RFX7: variants seen among roughly 807,000 people sequenced by gnomAD.
The protein encoded by RFX7 is regulatory factor X7, also known as DNA-binding protein RFX7.
RFX7 carries 26 observed loss-of-function variants against 111.8 expected under a neutral mutation model. The ratio of observed to expected loss-of-function variants is 0.23; its 90% CI spans 0.17 to 0.32. The LOEUF is 0.32. Ranked by LOEUF, RFX7 falls within the 10% of genes least tolerant of loss-of-function variation. The probability of loss-of-function intolerance (pLI) is 1.00; values close to 1 mark genes in which losing one functional copy is unlikely to be tolerated. For synonymous variants in RFX7, 624 were observed against 624.4 expected, an observed-to-expected ratio of 1.00 and a Z score of 0.01; for missense variants, 1,573 against 1,772.9, an observed-to-expected ratio of 0.89 and a Z score of 2.02.
intron 3 of RFX7, among the ~76,000 whole-genome samples, chr15:56,151,144 T>C (rs1355221369): frequency 1.3e-5 from 2 of 152,152 alleles, no homozygotes; most frequent in Non-Finnish European, 2.9e-5. Flanking sequence ...CTCTTCAGGA[T>C]ATTATCCAGA....
chr15:56,201,666 G>A (rs1156558051), intron 2 of RFX7, among the ~76,000 whole-genome samples: 1 of 152,108 alleles, frequency 6.6e-6, no homozygotes, highest in East Asian at 1.9e-4. Flanking sequence ...GGAATGTCTG[G>A]TAGTAGTCTC....
intron 3 of RFX7, among the ~76,000 whole-genome samples, chr15:56,152,879 T>C (rs180862491): frequency 6.6e-6 from 1 of 151,454 alleles, no homozygotes; most frequent in African/African-American, 2.4e-5. Flanking sequence ...ATAGGGGATA[T>C]CACCACTGAC....
At chr15:56,112,379 C>CAAAAAAAAAAAAAAAAAAAAAAAAAA (rs71110374) in intron 5 of RFX7, among the ~76,000 whole-genome samples, 7 of 71,766 alleles carry the variant, frequency 9.8e-5, no homozygotes, top group Non-Finnish European at 1.0e-4. Flanking sequence ...GAGTACAAAT[C>CAAAAAAAAAAAAAAAAAAAAAAAAAA]AAAAAAAAAA....
chr15:56,153,269 T>C (rs1264771638), intron 3 of RFX7, among the ~76,000 whole-genome samples: 6 of 152,136 alleles, frequency 3.9e-5, no homozygotes, highest in African/African-American at 1.4e-4. Flanking sequence ...AAAGAAAATT[T>C]CAGGCCAATA....
chr15:56,149,842 G>A (rs1338219937), intron 3 of RFX7, among the ~76,000 whole-genome samples: 2 of 151,954 alleles, frequency 1.3e-5, no homozygotes, highest in Non-Finnish European at 2.9e-5. Flanking sequence ...GTGGCATGTG[G>A]AATGCCACTA....
At chr15:56,100,845 AT>A (rs1231360811) in intron 8 of RFX7, among the ~76,000 whole-genome samples, 1 of 152,192 alleles carries the variant, frequency 6.6e-6, no homozygotes, top group African/African-American at 2.4e-5. Context: ...ACAGTAAAAA[AT>A]ATCACTCTTG....
rs115476722 is a variant in RFX7, at chr15:56,173,204, C to G, written c.195+6066G>C. Among the ~76,000 whole-genome samples the G allele has an allele frequency of 3.3e-3, 500 of 151,940 alleles. 2 individuals carry two copies. Among genetic ancestry groups the G allele is most frequent in the African/African-American group, 0.012 (484 of 41,506 alleles). On this transcript the variant is annotated intron_variant, in intron 3 of 9. Coordinates refer to ENST00000559447, the MANE Select transcript of RFX7 (RefSeq NM_022841.7). The stretch of plus-strand genomic sequence containing the variant: ...TAGATTTGGAATTTGGAATCTATAG[C>G]TGAAAACTAAACTGTATATATGTAG...
chr15:56,235,149 T>G (rs1312304303), intron 2 of RFX7, among the ~76,000 whole-genome samples: 1 of 151,486 alleles, frequency 6.6e-6, no homozygotes, highest in Admixed American at 6.6e-5. Flanking sequence ...AGCAGCCAGT[T>G]CATACAGTAA....
At chr15:56,223,773 C>T (rs372626950) in intron 2 of RFX7, among the ~76,000 whole-genome samples, 2 of 152,064 alleles carry the variant, frequency 1.3e-5, no homozygotes, top group Non-Finnish European at 2.9e-5. Flanking sequence ...TAAATGCTAC[C>T]TCAGTTTACT....
intron 9 of RFX7, 149 bp downstream of exon 9, chr15:56,097,932 T>A (rs2041703360): frequency 1.5e-6 from 1 of 648,908 alleles, no homozygotes; most frequent in South Asian, 2.0e-5. Context: ...ACATCCTGAA[T>A]AAAAGACTGA....
intron 2 of RFX7, among the ~76,000 whole-genome samples, chr15:56,198,805 G>A (rs1238753314): frequency 2.0e-5 from 3 of 152,098 alleles, no homozygotes; most frequent in Non-Finnish European, 1.5e-5. Flanking sequence ...GAATAATAAA[G>A]ACCTGAGAGT....
chr15:56,181,625 G>GACC (rs1452618508), intron 2 of RFX7, among the ~76,000 whole-genome samples: 1 of 152,064 alleles, frequency 6.6e-6, no homozygotes, highest in African/African-American at 2.4e-5. Context: ...GAAAGACTGG[G>GACC]ACCACTTAAG....
chr15:56,095,951 T>C lies in RFX7; in HGVS notation c.1777A>G (p.Thr593Ala), dbSNP rs749532389. The C allele has an allele frequency of 1.9e-5, 30 of 1,608,220 alleles. No individual in the cohort carries two copies. The South Asian group carries it at 3.3e-4, about 18-fold the overall frequency. Residue 593 changes from threonine (T) to alanine (A), a missense_variant, in exon 10 of 10, where the codon ACT (threonine) becomes GCT (alanine). This residue lies in a region of RFX7 where 625 missense variants were observed against 632.2 expected (regional missense o/e 0.99). Coordinates refer to ENST00000559447, the MANE Select transcript of RFX7 (RefSeq NM_022841.7). ...SNEGVIEIKA[T>A]KVCDQRTKCK... Reference sequence around the variant, plus strand: ...TTGGTCCTCTGGTCACAGACCTTAGTTGCTTTTATTTCAATGACACCTTCA... The same window carrying C: ...TTGGTCCTCTGGTCACAGACCTTAGCTGCTTTTATTTCAATGACACCTTCA...
rs1259004355 is a variant in RFX7, at chr15:56,091,872, A to G, written c.*1473T>C. ...TTAAACCCTTCAGCACATTTGCTAAATATTCATTGATTGTAGTCTTCTGAT... is the reference window on the plus strand; with the variant it reads ...TTAAACCCTTCAGCACATTTGCTAAGTATTCATTGATTGTAGTCTTCTGAT... On this transcript the variant is annotated 3_prime_UTR_variant, in exon 10 of 10. Transcript: ENST00000559447. 6.6e-6 allele frequency: 1 copy of G among 152,508 alleles called. No homozygotes were observed. Among genetic ancestry groups the G allele is most frequent in the Non-Finnish European group, 1.5e-5 (1 of 67,970 alleles). The allele number at this position is 152,508 out of a possible 1,614,324, so 9.4% of individuals were successfully genotyped here. A position where few individuals can be genotyped will look rare whatever the true frequency, so the allele number is the denominator to read the frequency against.
Position 56,095,651 on chromosome 15 carries a change from C to G in RFX7, c.2077G>C (p.Val693Leu). 6.2e-7 allele frequency: 1 copy of G among 1,614,008 alleles called. No homozygotes were observed. Among genetic ancestry groups the G allele is most frequent in the Non-Finnish European group, 8.5e-7 (1 of 1,179,880 alleles). ...TGTGGAACCTTTTGGTCCTTCTTAA[C>G]ACTGCCTTGTTTCTGCCCTTCTATG... ...ATIEGQKQGS[V>L]KKDQKVPHSG... The change falls in exon 10 of 10, where the codon GTT becomes CTT. Residue 693 changes from valine to leucine, a missense_variant. Val to Leu is a conservative substitution (Grantham distance 32, BLOSUM62 1). Coordinates refer to ENST00000559447, the MANE Select transcript of RFX7 (RefSeq NM_022841.7).
intron 3 of RFX7, among the ~76,000 whole-genome samples, chr15:56,163,949 C>T (rs908661324): frequency 2.6e-5 from 4 of 152,136 alleles, no homozygotes; most frequent in African/African-American, 9.7e-5. Flanking sequence ...ACAAAAGCCA[C>T]AAACTCAAAC....
intron 3 of RFX7, chr15:56,178,917 C>T (rs1402027852): frequency 6.4e-6 from 1 of 155,172 alleles, no homozygotes; most frequent in Non-Finnish European, 1.4e-5. Context: ...CTCAACAAAA[C>T]TAACCCATTA....
intron 3 of RFX7, among the ~76,000 whole-genome samples, chr15:56,153,464 C>T (rs749696181): frequency 1.1e-4 from 16 of 152,096 alleles, no homozygotes; most frequent in East Asian, 5.8e-4. Flanking sequence ...AAACAACAAA[C>T]GTAATCCATC....
At position 56,142,833 on chromosome 15, in the gene RFX7, G is replaced by T. The variant is rs764642171; in HGVS notation, c.346C>A (p.Leu116Ile). The T allele has an allele frequency of 6.2e-7, 1 of 1,613,494 alleles. No individual in the cohort carries two copies. The highest frequency in any genetic ancestry group is 1.1e-5 in the South Asian group (1 of 91,004). Residue 116 changes from leucine (L) to isoleucine (I), a missense_variant, in exon 5 of 10, where the codon CTA becomes ATA. By Grantham distance (5) the Leu-to-Ile change is conservative (BLOSUM62 2). Coordinates refer to ENST00000559447, the MANE Select transcript of RFX7 (RefSeq NM_022841.7). ...MHAFSWIRNT[L>I]EEHPETSLPK... ...AGTGAAGTCTCCGGATGTTCCTCTA[G>T]GGTATTCCGAATCCAGGAAAAGGCA... is the stretch of plus-strand genomic sequence containing the variant.
Sources: gnomAD v4.1 joint callset for allele counts (sites outside exome capture counted in the v4.1 genomes callset) on GRCh38, gnomAD v4.1.1 for gene constraint, gnomAD v4.1.1 regional missense constraint, MANE v1.5 for transcripts, NCBI Gene and HGNC (gene_info 2026-07-23, HGNC 2026-07-21) for gene names.